The following KIAA0319 variants were observed in gnomAD, a reference collection of about 807,000 sequenced individuals.
KIAA0319 encodes the protein dyslexia-associated protein KIAA0319.
Under a neutral mutation model 108.4 loss-of-function variants are expected in KIAA0319, and 83 were observed. The observed-to-expected ratio is 0.77, with a 90% CI of 0.64 to 0.92. The LOEUF (loss-of-function observed/expected upper bound fraction) is 0.92, where lower values mean the gene tolerates loss of function less well. Among genes scored for constraint, KIAA0319 ranks in the 40% least tolerant of loss-of-function variants. The pLI, the probability that KIAA0319 is intolerant of heterozygous loss-of-function variation, is 0.00. For synonymous variants in KIAA0319, 484 were observed against 510.4 expected (o/e 0.95, Z 0.70); for missense variants, 1,195 against 1,322.4 (o/e 0.90, Z 1.49).
intron 4 of KIAA0319, among the ~76,000 whole-genome samples, chr6:24,584,081 A>G (rs1767063787): frequency 6.6e-6 from 1 of 152,174 alleles, no homozygotes; most frequent in Non-Finnish European, 1.5e-5. Flanking sequence ...TTATAAAAAG[A>G]TTGAGTGTAA....
chr6:24,554,783 G>A (rs747901144), intron 18 of KIAA0319, 152 bp from the exon 19 acceptor site: 19 of 599,926 alleles, frequency 3.2e-5, no homozygotes, highest in Non-Finnish European at 5.6e-5. Context: ...GCAGAGCAAG[G>A]TAAAATACAG....
chr6:24,617,739 C>A (rs1476161196), intron 1 of KIAA0319, among the ~76,000 whole-genome samples: 1 of 152,148 alleles, frequency 6.6e-6, no homozygotes, highest in Non-Finnish European at 1.5e-5. Context: ...ATAATCCCAG[C>A]ACTTTGGGAG....
At position 24,557,651 on chromosome 6, in the gene KIAA0319, A is replaced by G. The variant is rs1048936312; in HGVS notation, c.2735-922T>C. Among the ~76,000 whole-genome samples, 7 of 152,232 alleles carry G rather than the reference A, an allele frequency of 4.6e-5. No homozygotes were observed. In the East Asian group the frequency reaches 7.7e-4, roughly 17 times the overall value. On this transcript the variant is annotated intron_variant, in intron 17 of 20. Transcript: ENST00000378214. ...TTAAAACCAACCCTAAAACCCATGG[A>G]TAAGAAACTGGTTGCATAATTATGG... is the stretch of plus-strand genomic sequence containing the variant.
chr6:24,578,407 C>A (rs1412543030), intron 8 of KIAA0319, among the ~76,000 whole-genome samples, 165 bp from the exon 9 acceptor site: 1 of 152,142 alleles, frequency 6.6e-6, no homozygotes, highest in Non-Finnish European at 1.5e-5. Flanking sequence ...TTCCTACTCC[C>A]GAAATTATAT....
chr6:24,630,528 A>G (rs6906415), intron 1 of KIAA0319, among the ~76,000 whole-genome samples: 95,323 of 137,008 alleles, frequency 0.7, 33,894 homozygotes, highest in East Asian at 0.87. Flanking sequence ...AAAAAAAAAA[A>G]AAAGAAAGAA....
intron 4 of KIAA0319, among the ~76,000 whole-genome samples, chr6:24,584,057 T>C (rs549799232): frequency 3.0e-4 from 46 of 152,256 alleles, no homozygotes; most frequent in South Asian, 6.2e-4. Context: ...CGCCCTGGTG[T>C]GAGCTATTTT....
chr6:24,576,563 G>T lies in KIAA0319; in HGVS notation c.1539C>A (p.Asn513Lys). ...TCACTATTAGGGCTGCAGTTGTAGA[G>T]TTAGTGGCTCCGTCCGAGTCTGTAA... The part of the protein sequence containing the change: ...LTVTDSDGAT[N>K]STTAALIVNN... Residue 513 changes from asparagine to lysine, a missense_variant, in exon 10 of 21, where the codon AAC becomes AAA. Coordinates refer to ENST00000378214, the MANE Select transcript of KIAA0319 (RefSeq NM_014809.4). 6.2e-7 allele frequency: 1 copy of T among 1,614,126 alleles called. No homozygotes were observed. The highest frequency in any genetic ancestry group is 8.5e-7 in the Non-Finnish European group (1 of 1,179,986).
At chr6:24,644,660 C>T (rs1777389941) in intron 1 of KIAA0319, among the ~76,000 whole-genome samples, 1 of 150,518 alleles carries the variant, frequency 6.6e-6, no homozygotes, top group African/African-American at 2.4e-5. Flanking sequence ...CTTTTACATT[C>T]ATACATTACC....
At chr6:24,582,533 T>G (rs1203771491) in intron 5 of KIAA0319, among the ~76,000 whole-genome samples, 187 bp from the exon 6 acceptor site, 2 of 151,724 alleles carry the variant, frequency 1.3e-5, no homozygotes, top group African/African-American at 4.8e-5. Context: ...CCCCTCACTC[T>G]TGTTATCATC....
chr6:24,565,983 T>G (rs1002883028), intron 14 of KIAA0319, among the ~76,000 whole-genome samples: 38 of 152,294 alleles, frequency 2.5e-4, no homozygotes, highest in African/African-American at 8.9e-4. Context: ...GCTTCCAAGC[T>G]ATGGTTTCCT....
At chr6:24,643,867 G>T (rs1281555753) in intron 1 of KIAA0319, among the ~76,000 whole-genome samples, 1 of 152,230 alleles carries the variant, frequency 6.6e-6, no homozygotes, top group Non-Finnish European at 1.5e-5. Flanking sequence ...TTTTACAGGT[G>T]AGGAAACTGA....
At chr6:24,640,833 T>C (rs576789029) in intron 1 of KIAA0319, among the ~76,000 whole-genome samples, 18 of 152,028 alleles carry the variant, frequency 1.2e-4, no homozygotes, top group East Asian at 3.9e-4. Flanking sequence ...TTGTATTTTT[T>C]TGTGGAGACG....
In KIAA0319 at chr6:24,601,109, A is replaced by G; in HGVS notation, c.-6T>C. On this transcript the variant is annotated 5_prime_UTR_variant, in exon 2 of 21. Coordinates refer to ENST00000378214, the MANE Select transcript of KIAA0319 (RefSeq NM_014809.4). ...ACACCTGTGGGGGGCGCCATTGTGCACCACACAGTGGGTGATGGCAGGCTT... is the reference window on the plus strand; with the variant it reads ...ACACCTGTGGGGGGCGCCATTGTGCGCCACACAGTGGGTGATGGCAGGCTT... 5 of 1,614,086 alleles carry G rather than the reference A, an allele frequency of 3.1e-6. No homozygotes were observed. Among genetic ancestry groups the G allele is most frequent in the Non-Finnish European group, 4.2e-6 (5 of 1,179,966 alleles).
At chr6:24,542,283 A>C (rs1412969876), downstream of KIAA0319, among the ~76,000 whole-genome samples, 2 of 152,258 alleles carry the variant, frequency 1.3e-5, no homozygotes, top group Non-Finnish European at 2.9e-5. Flanking sequence ...ATGATCCAGG[A>C]GCCACGTAAT....
intron 17 of KIAA0319, among the ~76,000 whole-genome samples, chr6:24,558,399 AGATAGAT>A (rs748467746): frequency 6.0e-4 from 90 of 150,226 alleles, no homozygotes; most frequent in Non-Finnish European, 1.2e-3. Context: ...ATAGATAGAT[AGATAGAT>A]ATCTGAAACA....
chr6:24,608,335 CAT>C (rs1491456976), intron 1 of KIAA0319, among the ~76,000 whole-genome samples: 1 of 151,956 alleles, frequency 6.6e-6, no homozygotes, highest in Non-Finnish European at 1.5e-5. Context: ...GTCTCAATAT[CAT>C]AAATATATCA....
intron 19 of KIAA0319, among the ~76,000 whole-genome samples, chr6:24,552,928 C>A (rs998251848): frequency 6.6e-6 from 1 of 152,060 alleles, no homozygotes; most frequent in African/African-American, 2.4e-5. Context: ...TTTTAAAAAT[C>A]ACACCTTTGG....
intron 19 of KIAA0319, among the ~76,000 whole-genome samples, chr6:24,552,547 C>T (rs781302085): frequency 7.9e-5 from 12 of 152,152 alleles, no homozygotes; most frequent in African/African-American, 2.2e-4. Flanking sequence ...ACTTTGGGAA[C>T]GTAATCACAA....
intron 13 of KIAA0319, 80 bp downstream of exon 13, chr6:24,568,701 G>T: frequency 2.1e-6 from 3 of 1,397,086 alleles, no homozygotes; most frequent in South Asian, 2.8e-5. Flanking sequence ...CAACATCTCT[G>T]AATAGTCATG....
Sources: allele counts gnomAD v4.1 joint callset (sites outside exome capture counted in the v4.1 genomes callset), GRCh38; gene constraint gnomAD v4.1.1; transcripts MANE v1.5; gene names NCBI Gene and HGNC (gene_info 2026-07-23, HGNC 2026-07-21).